Variants in IPCEF1 observed in about 807,000 individuals in gnomAD.
The protein encoded by IPCEF1 is interaction protein for cytohesin exchange factors 1, also known as interactor protein for cytohesin exchange factors 1.
A neutral mutation model predicts 50.9 loss-of-function variants in IPCEF1; 31 were observed. The observed-to-expected ratio is 0.61, with a 90% CI of 0.46 to 0.82. The LOEUF (loss-of-function observed/expected upper bound fraction) is 0.82, where lower values mean the gene tolerates loss of function less well. IPCEF1 is among the 40% of genes least tolerant of loss of function. The pLI is 0.00. For missense variants in IPCEF1, 458 were observed against 514.0 expected (o/e 0.89, Z 1.05); for synonymous variants, 181 against 192.0 (o/e 0.94, Z 0.47).
intron 2 of IPCEF1, among the ~76,000 whole-genome samples, chr6:154,276,583 G>A (rs756746046): frequency 2.0e-4 from 31 of 152,222 alleles, no homozygotes; most frequent in Non-Finnish European, 3.8e-4. Context: ...AATATACAGA[G>A]TGGGTGGACT....
intron 10 of IPCEF1, among the ~76,000 whole-genome samples, chr6:154,173,454 A>G (rs1187383810): frequency 6.6e-6 from 1 of 152,252 alleles, no homozygotes; most frequent in African/African-American, 2.4e-5. Context: ...TAACTAGAAT[A>G]GCCAGTGTAG....
At chr6:154,283,202 G>T (rs1284947628) in intron 2 of IPCEF1, among the ~76,000 whole-genome samples, 5 of 145,032 alleles carry the variant, frequency 3.4e-5, no homozygotes, top group Non-Finnish European at 7.4e-5. Flanking sequence ...TGAGGCAGGA[G>T]AATCGCTTGA....
chr6:154,221,775 G>C (rs1246880778), intron 6 of IPCEF1, among the ~76,000 whole-genome samples: 1 of 152,148 alleles, frequency 6.6e-6, no homozygotes, highest in Non-Finnish European at 1.5e-5. Context: ...CCGGGAGGCT[G>C]AGGCAGGAGA....
Position 154,260,019 on chromosome 6 carries a change from G to C in IPCEF1, c.36+5893C>G, listed in dbSNP as rs149887206. Among the ~76,000 whole-genome samples the C allele has an allele frequency of 1.3e-3, 194 of 152,348 alleles. 1 individual carries two copies. Among genetic ancestry groups the C allele is most frequent in the African/African-American group, 4.5e-3 (187 of 41,586 alleles). On this transcript the variant is annotated intron_variant, in intron 3 of 11. Coordinates refer to ENST00000367220, the MANE Select transcript of IPCEF1 (RefSeq NM_001130700.2). Reference sequence around the variant, plus strand: ...TTCACACGACGAGCACGGAGATGGAGTGAGCGGTGAGACATGCATGTTTCA... The same window carrying C: ...TTCACACGACGAGCACGGAGATGGACTGAGCGGTGAGACATGCATGTTTCA...
intron 8 of IPCEF1, among the ~76,000 whole-genome samples, 193 bp downstream of exon 8, chr6:154,214,025 A>C (rs1326723652): frequency 1.3e-5 from 2 of 152,190 alleles, no homozygotes; most frequent in African/African-American, 4.8e-5. Flanking sequence ...CATAGCCAGC[A>C]TGGGAAGCTC....
chr6:154,330,946 G>T (rs905947226), intron 1 of IPCEF1, among the ~76,000 whole-genome samples: 6 of 152,162 alleles, frequency 3.9e-5, no homozygotes, highest in African/African-American at 1.4e-4. Context: ...GCAGGAGAGG[G>T]CTCCTTCCTA....
At chr6:154,220,378 C>A (rs1445460843) in intron 7 of IPCEF1, among the ~76,000 whole-genome samples, 1 of 152,200 alleles carries the variant, frequency 6.6e-6, no homozygotes, top group Non-Finnish European at 1.5e-5. Context: ...CCATTGTTGA[C>A]CAGGTGCGGT....
rs542518937 is a variant in IPCEF1, at chr6:154,176,021, C to A, written c.911-7908G>T. The stretch of plus-strand genomic sequence containing the variant: ...TGGGATGCAAGACTGCTTCAACGTA[C>A]CCAAATCAATAGACATAATCTATCA... On this transcript the variant is annotated intron_variant, in intron 10 of 11. Coordinates refer to ENST00000367220, the MANE Select transcript of IPCEF1 (RefSeq NM_001130700.2). Among the ~76,000 whole-genome samples, 3 of 152,242 alleles carry A rather than the reference C, an allele frequency of 2.0e-5. No homozygotes were observed. In the East Asian group the frequency reaches 5.8e-4, roughly 29 times the overall value.
At chr6:154,208,268 C>A (rs1777668691) in intron 9 of IPCEF1, among the ~76,000 whole-genome samples, 1 of 152,160 alleles carries the variant, frequency 6.6e-6, no homozygotes. Flanking sequence ...CCTTGCAGTA[C>A]CACACACCAA....
At chr6:154,195,399 G>T (rs371078493) in intron 10 of IPCEF1, among the ~76,000 whole-genome samples, 1 of 151,886 alleles carries the variant, frequency 6.6e-6, no homozygotes, top group East Asian at 1.9e-4. Context: ...CGCCCACCTC[G>T]GCCTCCCAAA....
chr6:154,181,588 T>C (rs544591770), intron 10 of IPCEF1, among the ~76,000 whole-genome samples: 4 of 152,250 alleles, frequency 2.6e-5, no homozygotes, highest in Middle Eastern at 3.2e-3. Context: ...GTCACTGAGA[T>C]AGCAGTTGAC....
intron 7 of IPCEF1, among the ~76,000 whole-genome samples, chr6:154,219,686 C>T (rs1488423822): frequency 6.6e-6 from 1 of 152,124 alleles, no homozygotes; most frequent in African/African-American, 2.4e-5. Flanking sequence ...TTAACATCCT[C>T]TCCATTCGTG....
rs1364918552 is a variant in IPCEF1, at chr6:154,155,456, T to C, written c.*4372A>G. On this transcript the variant is annotated 3_prime_UTR_variant, in exon 12 of 12. Transcript: ENST00000367220. ...AAAACTATGTGGATATGGCAGCTTT[T>C]CTGTACTTAACATTACTCATTAAAT... 6.6e-6 allele frequency: 1 copy of C among 152,192 alleles called. No homozygotes were observed. 9.4% of individuals were successfully genotyped at this position (152,192 alleles called of 1,614,324 possible).
Position 154,154,925 on chromosome 6 carries a change from A to T in IPCEF1, c.*4903T>A, listed in dbSNP as rs1798651900. On this transcript the variant is annotated 3_prime_UTR_variant, in exon 12 of 12. Transcript: ENST00000367220. ...AGTCACATTCCCATCATGCAAGCAC[A>T]TTAAAATATATGGCGATTAAAACTC... The T allele has an allele frequency of 6.6e-6, 1 of 152,562 alleles. No individual in the cohort carries two copies. 9.5% of individuals were successfully genotyped at this position (152,562 alleles called of 1,614,324 possible). A position where few individuals can be genotyped will look rare whatever the true frequency, so the allele number is the denominator to read the frequency against.
chr6:154,255,225 T>C (rs1360264826), intron 3 of IPCEF1, among the ~76,000 whole-genome samples: 1 of 152,226 alleles, frequency 6.6e-6, no homozygotes, highest in East Asian at 1.9e-4. Flanking sequence ...CTTTGAATAG[T>C]CCCTTTTAAT....
At chr6:154,348,536 A>G (rs1784072207) in intron 1 of IPCEF1, among the ~76,000 whole-genome samples, 1 of 152,236 alleles carries the variant, frequency 6.6e-6, no homozygotes, top group Non-Finnish European at 1.5e-5. Context: ...TAGGTACTCA[A>G]TAAGTATTTG....
chr6:154,170,160 G>A (rs12210351), intron 10 of IPCEF1, among the ~76,000 whole-genome samples: 2,314 of 152,268 alleles, frequency 0.015, 24 homozygotes, highest in Middle Eastern at 0.041. Context: ...TTCTCACTAA[G>A]AACGTTAGTC....
chr6:154,295,217 G>A (rs1396738349), intron 1 of IPCEF1, among the ~76,000 whole-genome samples: 1 of 152,050 alleles, frequency 6.6e-6, no homozygotes, highest in African/African-American at 2.4e-5. Context: ...AATACTAATA[G>A]CCAACATTTA....
At position 154,158,808 on chromosome 6, in the gene IPCEF1, A is replaced by G. The variant is rs983406313; in HGVS notation, c.*1020T>C. The G allele has an allele frequency of 6.6e-6, 1 of 152,266 alleles. No homozygotes were observed. The highest frequency in any genetic ancestry group is 2.4e-5 in the African/African-American group (1 of 41,480). The allele number at this position is 152,266 out of a possible 1,614,324, so 9.4% of individuals were successfully genotyped here. A position where few individuals can be genotyped will look rare whatever the true frequency, so the allele number is the denominator to read the frequency against. ...AATTTGAACTTCTATAAATATATTT[A>G]AATAACAAACATAGCTATTCACATA... On this transcript the variant is annotated 3_prime_UTR_variant, in exon 12 of 12. Coordinates refer to ENST00000367220, the MANE Select transcript of IPCEF1 (RefSeq NM_001130700.2).
Sources: gnomAD v4.1 joint callset for allele counts (sites outside exome capture counted in the v4.1 genomes callset) on GRCh38, gnomAD v4.1.1 for gene constraint, MANE v1.5 for transcripts, NCBI Gene and HGNC (gene_info 2026-07-23, HGNC 2026-07-21) for gene names.